The following GRID1 variants were observed in gnomAD, a reference collection of about 807,000 sequenced individuals.
GRID1 encodes the protein glutamate ionotropic receptor delta type subunit 1.
In GRID1, 28 loss-of-function variants were observed where a neutral mutation model predicts 98.0. The observed-to-expected ratio is 0.29, with a 90% CI of 0.21 to 0.39. The LOEUF (loss-of-function observed/expected upper bound fraction) is 0.39, where lower values mean the gene tolerates loss of function less well. Among genes scored for constraint, GRID1 ranks in the 10% least tolerant of loss-of-function variants. The probability of loss-of-function intolerance (pLI) is 1.00; values close to 1 mark genes in which losing one functional copy is unlikely to be tolerated. For missense variants in GRID1, 1,111 were observed against 1,340.5 expected (o/e 0.83, Z 2.67); for synonymous variants, 553 against 538.5 (o/e 1.03, Z -0.37).
intron 2 of GRID1, among the ~76,000 whole-genome samples, chr10:86,273,167 G>A (rs576638567): frequency 6.6e-6 from 1 of 151,778 alleles, no homozygotes; most frequent in Admixed American, 6.6e-5. Flanking sequence ...GCGGTGTTTG[G>A]TTTTTTGCCC....
At chr10:86,181,344 G>A (rs570083803) in intron 3 of GRID1, among the ~76,000 whole-genome samples, 1 of 147,074 alleles carries the variant, frequency 6.8e-6, no homozygotes, top group African/African-American at 2.6e-5. Context: ...CCTGGGAAAT[G>A]GAGTGCTTGT....
intron 8 of GRID1, among the ~76,000 whole-genome samples, chr10:85,792,780 A>G (rs2132743039): frequency 6.6e-6 from 1 of 152,330 alleles, no homozygotes. Flanking sequence ...AATGACACCC[A>G]GAGTCCTGCA....
chr10:86,081,802 T>G (rs1409202614), intron 4 of GRID1, among the ~76,000 whole-genome samples: 1 of 152,174 alleles, frequency 6.6e-6, no homozygotes, highest in Non-Finnish European at 1.5e-5. Flanking sequence ...CCATATGACA[T>G]TCTAGAAAAG....
chr10:85,765,444 C>T (rs1365289710), intron 8 of GRID1, among the ~76,000 whole-genome samples: 1 of 152,152 alleles, frequency 6.6e-6, no homozygotes, highest in East Asian at 1.9e-4. Flanking sequence ...TCTGAAAATG[C>T]AAAATCCAAA....
intron 8 of GRID1, among the ~76,000 whole-genome samples, chr10:85,745,613 C>G (rs1841988634): frequency 7.6e-6 from 1 of 131,392 alleles, no homozygotes; most frequent in Admixed American, 7.6e-5. Context: ...GGGAGATATA[C>G]CTAATGCTAG....
intron 4 of GRID1, among the ~76,000 whole-genome samples, chr10:85,957,875 G>T (rs1842215300): frequency 6.6e-6 from 1 of 152,240 alleles, no homozygotes; most frequent in Non-Finnish European, 1.5e-5. Context: ...ACGTGACATG[G>T]AAAGGCAGCC....
chr10:86,248,368 G>T (rs951345624), intron 2 of GRID1, among the ~76,000 whole-genome samples: 1 of 152,264 alleles, frequency 6.6e-6, no homozygotes, highest in South Asian at 2.1e-4. Flanking sequence ...GAACCAAATT[G>T]GGAGAGGGAG....
intron 4 of GRID1, among the ~76,000 whole-genome samples, chr10:86,015,792 T>C (rs1418960416): frequency 6.6e-6 from 1 of 152,204 alleles, no homozygotes; most frequent in Non-Finnish European, 1.5e-5. Context: ...GCGGACTTCA[T>C]CGTTGCAATC....
intron 4 of GRID1, among the ~76,000 whole-genome samples, chr10:85,929,065 G>A (rs75651367): frequency 0.017 from 2,570 of 152,234 alleles, 69 homozygotes; most frequent in African/African-American, 0.058. Flanking sequence ...CAATATGTTC[G>A]AAAATGCTAT....
intron 2 of GRID1, among the ~76,000 whole-genome samples, chr10:86,330,287 T>C (rs1432247249): frequency 6.6e-6 from 1 of 152,126 alleles, no homozygotes; most frequent in East Asian, 1.9e-4. Context: ...CCAGCCTTCC[T>C]TGGGGCTCCT....
chr10:85,769,128 A>C (rs769721367), intron 8 of GRID1, among the ~76,000 whole-genome samples: 1 of 152,254 alleles, frequency 6.6e-6, no homozygotes, highest in Non-Finnish European at 1.5e-5. Flanking sequence ...ACTAATATGA[A>C]AATAACTGCA....
chr10:85,770,842 C>T (rs946608464), intron 8 of GRID1, among the ~76,000 whole-genome samples: 3 of 152,170 alleles, frequency 2.0e-5, no homozygotes, highest in Non-Finnish European at 4.4e-5. Flanking sequence ...ACCAAATCTA[C>T]GTCTGATTGG....
intron 2 of GRID1, among the ~76,000 whole-genome samples, chr10:86,294,209 T>C (rs1358310646): frequency 1.3e-5 from 2 of 152,002 alleles, no homozygotes; most frequent in African/African-American, 4.8e-5. Flanking sequence ...GTATACCGGT[T>C]CTGGTGAAGG....
chr10:85,978,654 G>C (rs1842505360), intron 4 of GRID1, among the ~76,000 whole-genome samples: 1 of 152,152 alleles, frequency 6.6e-6, no homozygotes, highest in Middle Eastern at 3.4e-3. Context: ...TCTACTACAT[G>C]CTAGAAACAC....
intron 8 of GRID1, among the ~76,000 whole-genome samples, chr10:85,785,713 T>C (rs1842421653): frequency 2.0e-5 from 3 of 152,080 alleles, no homozygotes; most frequent in Admixed American, 2.0e-4. Flanking sequence ...CGGTAATAAA[T>C]GGTTTACACC....
chr10:86,043,379 C>T (rs1843374765), intron 4 of GRID1, among the ~76,000 whole-genome samples: 1 of 152,206 alleles, frequency 6.6e-6, no homozygotes, highest in Non-Finnish European at 1.5e-5. Flanking sequence ...TAAGGCAGAC[C>T]TTCCTGACAG....
intron 4 of GRID1, among the ~76,000 whole-genome samples, chr10:86,130,221 A>G (rs1038552023): frequency 6.6e-6 from 1 of 152,254 alleles, no homozygotes; most frequent in African/African-American, 2.4e-5. Flanking sequence ...GCTGATGCAG[A>G]GCCCTTCTTC....
chr10:86,289,994 G>A (rs1336459374), intron 2 of GRID1, among the ~76,000 whole-genome samples: 4 of 152,310 alleles, frequency 2.6e-5, no homozygotes, highest in Admixed American at 2.6e-4. Flanking sequence ...ACACCGCGAG[G>A]GAGCAAGAAA....
intron 2 of GRID1, among the ~76,000 whole-genome samples, chr10:86,343,413 C>T (rs1021877485): frequency 6.6e-6 from 1 of 152,196 alleles, no homozygotes; most frequent in African/African-American, 2.4e-5. Flanking sequence ...GGCTTTACTG[C>T]CTGCCACCAT....
Sources: allele counts gnomAD v4.1 joint callset (sites outside exome capture counted in the v4.1 genomes callset), GRCh38; gene constraint gnomAD v4.1.1; transcripts MANE v1.5; gene names NCBI Gene and HGNC (gene_info 2026-07-23, HGNC 2026-07-21).